Variants in TMCC1 observed in about 807,000 individuals in gnomAD.
TMCC1 encodes transmembrane and coiled-coil domain family 1.
Under a neutral mutation model 52.4 loss-of-function variants are expected in TMCC1, and 15 were observed. The observed-to-expected ratio is 0.29, with a 90% CI of 0.19 to 0.44. The LOEUF (loss-of-function observed/expected upper bound fraction) is 0.44, where lower values mean the gene tolerates loss of function less well. TMCC1 is among the 20% of genes least tolerant of loss of function. The pLI, the probability that TMCC1 is intolerant of heterozygous loss-of-function variation, is 1.00. For synonymous variants in TMCC1, 279 were observed against 301.9 expected, an observed-to-expected ratio of 0.92 and a Z score of 0.79; for missense variants, 503 against 806.0, an observed-to-expected ratio of 0.62 and a Z score of 4.55.
chr3:129,718,979 T>G (rs1354053808), intron 4 of TMCC1, among the ~76,000 whole-genome samples: 1 of 152,170 alleles, frequency 6.6e-6, no homozygotes, highest in African/African-American at 2.4e-5. Flanking sequence ...GATCAAGAGT[T>G]AACTGTATTT....
chr3:129,765,332 T>TA (rs572081377), intron 4 of TMCC1, among the ~76,000 whole-genome samples: 72 of 152,122 alleles, frequency 4.7e-4, no homozygotes, highest in African/African-American at 1.7e-3. Context: ...TTTAAAACCC[T>TA]AAAAAATAGA....
intron 4 of TMCC1, among the ~76,000 whole-genome samples, chr3:129,678,212 G>A (rs1167372382): frequency 8.6e-5 from 13 of 151,812 alleles, no homozygotes; most frequent in Admixed American, 2.6e-4. Context: ...GAGCCACCAC[G>A]CCTGGCCAAT....
At chr3:129,771,151 T>A (rs144884319) in intron 4 of TMCC1, among the ~76,000 whole-genome samples, 2 of 152,234 alleles carry the variant, frequency 1.3e-5, no homozygotes, top group East Asian at 3.9e-4. Context: ...TTTGGTAGCA[T>A]CTGGTCTTGG....
intron 2 of TMCC1, chr3:129,848,410 C>G (rs1452141860): frequency 6.6e-6 from 1 of 152,162 alleles, no homozygotes; most frequent in African/African-American, 2.4e-5. Context: ...GTTCTAGGAC[C>G]ATCTGTTGAA....
chr3:129,671,967 G>A (rs1279432537), intron 4 of TMCC1, among the ~76,000 whole-genome samples: 5 of 152,172 alleles, frequency 3.3e-5, no homozygotes, highest in Non-Finnish European at 7.3e-5. Context: ...CTCAGGGACA[G>A]GAACAGTAAG....
Position 129,877,670 on chromosome 3 carries a change from C to G in TMCC1, c.-184+2639G>C, listed in dbSNP as rs140991551. ...GAGACAGAGAGTCTCACTCTATGAC[C>G]CAGGCTGGAGTGCAGTGGCGCAATC... On this transcript the variant is annotated intron_variant, in intron 2 of 6. Transcript: ENST00000393238. Among the ~76,000 whole-genome samples the G allele has an allele frequency of 4.4e-3, 655 of 149,404 alleles. 6 individuals carry two copies. Among genetic ancestry groups the G allele is most frequent in the African/African-American group, 0.015 (625 of 40,418 alleles).
intron 4 of TMCC1, among the ~76,000 whole-genome samples, chr3:129,801,310 T>A (rs1441768792): frequency 1.3e-5 from 2 of 152,048 alleles, no homozygotes; most frequent in Non-Finnish European, 2.9e-5. Context: ...AACAATTTAC[T>A]CAGAAATTTG....
At chr3:129,687,189 C>T (rs930506255) in intron 4 of TMCC1, among the ~76,000 whole-genome samples, 1 of 152,110 alleles carries the variant, frequency 6.6e-6, no homozygotes, top group African/African-American at 2.4e-5. Flanking sequence ...CAATGGATCT[C>T]TTCTGTGGCC....
intron 4 of TMCC1, among the ~76,000 whole-genome samples, chr3:129,758,316 C>T (rs1316585899): frequency 6.6e-6 from 1 of 152,132 alleles, no homozygotes; most frequent in Non-Finnish European, 1.5e-5. Context: ...AGACATCTAA[C>T]AGATATCTAA....
chr3:129,695,260 T>C (rs2047329944), intron 4 of TMCC1, among the ~76,000 whole-genome samples: 1 of 152,116 alleles, frequency 6.6e-6, no homozygotes, highest in South Asian at 2.1e-4. Context: ...GTGTTGTCTA[T>C]TGGACCCTTT....
At chr3:129,688,965 C>G (rs1307783174) in intron 4 of TMCC1, among the ~76,000 whole-genome samples, 4 of 152,124 alleles carry the variant, frequency 2.6e-5, no homozygotes, top group Non-Finnish European at 5.9e-5. Context: ...TAGCTTGGTT[C>G]AATAAATACA....
chr3:129,890,968 A>T (rs920881582), intron 1 of TMCC1, among the ~76,000 whole-genome samples: 1 of 152,252 alleles, frequency 6.6e-6, no homozygotes, highest in African/African-American at 2.4e-5. Context: ...CTATTACATG[A>T]AGAACAACAT....
chr3:129,845,214 ACACAC>A (rs1409087805), intron 2 of TMCC1, among the ~76,000 whole-genome samples: 1 of 151,746 alleles, frequency 6.6e-6, no homozygotes, highest in East Asian at 1.9e-4. Context: ...ACACACACAC[ACACAC>A]AATGCTAGAA....
chr3:129,836,461 C>G (rs546142768), intron 2 of TMCC1, among the ~76,000 whole-genome samples: 8 of 152,140 alleles, frequency 5.3e-5, no homozygotes, highest in Non-Finnish European at 1.2e-4. Flanking sequence ...AACCCTAAGG[C>G]AAGTCTCACA....
intron 1 of TMCC1, among the ~76,000 whole-genome samples, chr3:129,888,951 A>C (rs1246783285): frequency 6.6e-6 from 1 of 152,174 alleles, no homozygotes; most frequent in Admixed American, 6.5e-5. Context: ...AAAACATCAG[A>C]TAAATCCCAA....
chr3:129,803,050 G>T (rs1292605758), intron 4 of TMCC1, among the ~76,000 whole-genome samples: 2 of 152,180 alleles, frequency 1.3e-5, no homozygotes, highest in Non-Finnish European at 2.9e-5. Flanking sequence ...GTGAGAGAAA[G>T]GAGCCAAATT....
At chr3:129,755,204 G>C (rs1396397900) in intron 4 of TMCC1, among the ~76,000 whole-genome samples, 5 of 152,104 alleles carry the variant, frequency 3.3e-5, no homozygotes, top group African/African-American at 1.2e-4. Context: ...GAAGATAGAG[G>C]GGGGAGGGGA....
intron 2 of TMCC1, among the ~76,000 whole-genome samples, chr3:129,835,967 AAATC>A (rs1485867583): frequency 6.6e-6 from 1 of 152,216 alleles, no homozygotes; most frequent in Non-Finnish European, 1.5e-5. Context: ...CAGATGACAA[AAATC>A]AATTTTTAAA....
intron 1 of TMCC1, among the ~76,000 whole-genome samples, chr3:129,882,037 C>T (rs1284844878): frequency 1.3e-5 from 2 of 152,086 alleles, no homozygotes; most frequent in Admixed American, 6.6e-5. Context: ...AGCTTATACT[C>T]CACCAGGGCA....
Sources: allele counts gnomAD v4.1 joint callset (sites outside exome capture counted in the v4.1 genomes callset), GRCh38; gene constraint gnomAD v4.1.1; transcripts MANE v1.5; gene names NCBI Gene and HGNC (gene_info 2026-07-23, HGNC 2026-07-21).